RNF168: variants seen among roughly 807,000 people sequenced by gnomAD.
RNF168 encodes the protein E3 ubiquitin-protein ligase RNF168.
A neutral mutation model predicts 34.9 loss-of-function variants in RNF168; 34 were observed. That is an observed-to-expected ratio of 0.97 (90% CI 0.74 to 1.30). The LOEUF is 1.30. RNF168 is among the 50% of genes most tolerant of loss of function. The pLI is 0.00. For synonymous variants in RNF168, 264 were observed against 254.7 expected, an observed-to-expected ratio of 1.04 and a Z score of -0.35; for missense variants, 725 against 682.5, an observed-to-expected ratio of 1.06 and a Z score of -0.69.
At chr3:196,485,971 T>A (rs1732412723) in intron 3 of RNF168, among the ~76,000 whole-genome samples, 1 of 152,048 alleles carries the variant, frequency 6.6e-6, no homozygotes, top group Non-Finnish European at 1.5e-5. Flanking sequence ...AGATTTGGAG[T>A]AAATATGAGA....
At chr3:196,492,280 C>T (rs73219639) in intron 1 of RNF168, among the ~76,000 whole-genome samples, 9,855 of 152,244 alleles carry the variant, frequency 0.065, 395 homozygotes, top group Middle Eastern at 0.2. Context: ...AGGAGGACCA[C>T]TTGAGCTCAG....
chr3:196,496,364 T>C (rs1732743017), intron 1 of RNF168, among the ~76,000 whole-genome samples: 2 of 152,128 alleles, frequency 1.3e-5, no homozygotes, highest in Non-Finnish European at 2.9e-5. Context: ...ACCTTAGACG[T>C]TCCTTGGGTT....
At chr3:196,495,297 T>G (rs903370448) in intron 1 of RNF168, among the ~76,000 whole-genome samples, 4 of 152,170 alleles carry the variant, frequency 2.6e-5, no homozygotes, top group African/African-American at 9.7e-5. Flanking sequence ...TGATATACAA[T>G]GATCAAGTTC....
At chr3:196,478,530 C>T (rs1305392863) in intron 4 of RNF168, among the ~76,000 whole-genome samples, 2 of 152,164 alleles carry the variant, frequency 1.3e-5, no homozygotes, top group East Asian at 3.9e-4. Flanking sequence ...GCTCGAGAGG[C>T]TGCCCAATTT....
Position 196,483,761 on chromosome 3 carries a change from T to C in RNF168, c.680+9A>G, listed in dbSNP as rs1732350698. ...GGTCAACAAATAATTCATAGTCATG[T>C]TCACTTACTTCTGAATATCTCCAGT... On this transcript the variant is annotated intron_variant, in intron 4 of 5. Transcript: ENST00000318037. The C allele has an allele frequency of 6.2e-7, 1 of 1,609,196 alleles. No homozygotes were observed. The highest frequency in any genetic ancestry group is 1.7e-5 in the Admixed American group (1 of 59,996).
intron 2 of RNF168, among the ~76,000 whole-genome samples, chr3:196,488,136 T>C (rs568074354): frequency 3.9e-5 from 6 of 152,314 alleles, no homozygotes; most frequent in Admixed American, 2.6e-4. Context: ...GCATTAATTA[T>C]GTAGAAGTAA....
At chr3:196,483,674 G>C (rs573921768) in intron 4 of RNF168, 96 bp downstream of exon 4, 2 of 1,064,346 alleles carry the variant, frequency 1.9e-6, no homozygotes, top group African/African-American at 3.1e-5. Flanking sequence ...CAAAGTTCAC[G>C]GACCAAACTT....
chr3:196,487,563 G>A lies in RNF168; in HGVS notation c.394C>T (p.Arg132Trp), dbSNP rs142489941. ...EEISKVAAER[R>W]ASEEEENKAS... ...TTGTTTTCTTCTTCCTCGCTGGCCC[G>A]TCGCTCTGCCGCCACCTTAAAAGTG... is the stretch of plus-strand genomic sequence containing the variant. The change falls in exon 3 of 6, where the codon CGG (arginine) becomes TGG (tryptophan). Residue 132 changes from arginine (R) to tryptophan (W), a missense_variant. Transcript: ENST00000318037. The A allele has an allele frequency of 3.1e-5, 50 of 1,613,956 alleles. No individual in the cohort carries two copies. The Middle Eastern group carries it at 6.6e-4, about 21-fold the overall frequency.
chr3:196,488,626 T>C lies in RNF168; in HGVS notation c.359A>G (p.Tyr120Cys). 1 of 1,601,416 alleles carries C rather than the reference T, an allele frequency of 6.2e-7. No individual in the cohort carries two copies. Among genetic ancestry groups the C allele is most frequent in the South Asian group, 1.1e-5 (1 of 90,726 alleles). ...ACCTACCTTGCTTATTTCCTCTTCA[T>C]ATTCTCTTCTCAGTTCCCCAGGTTT... ...LSKPGELRRE[Y>C]EEEISKVAAE... Residue 120 changes from tyrosine to cysteine, a missense_variant, in exon 2 of 6, where the codon TAT (tyrosine) becomes TGT (cysteine). Tyr to Cys is a radical substitution (Grantham distance 194). Transcript: ENST00000318037.
At chr3:196,487,677 G>A (rs1166506595) in intron 2 of RNF168, 99 bp from the exon 3 acceptor site, 7 of 1,163,102 alleles carry the variant, frequency 6.0e-6, no homozygotes, top group African/African-American at 3.0e-5. Context: ...GAACAAATTG[G>A]CAGAAATTTA....
At chr3:196,494,902 G>A (rs1332739591) in intron 1 of RNF168, among the ~76,000 whole-genome samples, 1 of 152,024 alleles carries the variant, frequency 6.6e-6, no homozygotes, top group Non-Finnish European at 1.5e-5. Flanking sequence ...GTGTGCCTGT[G>A]GTCCCAGCTA....
Position 196,503,112 on chromosome 3 carries a change from T to C in RNF168, c.62A>G (p.Glu21Gly), listed in dbSNP as rs1186574397. Residue 21 changes from glutamate to glycine, a missense_variant, in exon 1 of 6, where the codon GAA (glutamate) becomes GGA (glycine). Physicochemically the swap from Glu to Gly is moderately conservative, Grantham distance 98. Coordinates refer to ENST00000318037, the MANE Select transcript of RNF168 (RefSeq NM_152617.4). Reference protein sequence around the residue: ...LSECQCGICMEILVEPVTLPC... With the variant: ...LSECQCGICMGILVEPVTLPC... ...GAGGGTGACGGGCTCCACGAGGATT[T>C]CCATGCAGATCCCGCACTGGCACTC... is the stretch of plus-strand genomic sequence containing the variant. 9 of 1,614,118 alleles carry C rather than the reference T, an allele frequency of 5.6e-6. No individual in the cohort carries two copies. The highest frequency in any genetic ancestry group is 7.6e-6 in the Non-Finnish European group (9 of 1,179,994).
chr3:196,484,313 C>T (rs573857328), intron 3 of RNF168, among the ~76,000 whole-genome samples: 4 of 150,986 alleles, frequency 2.6e-5, no homozygotes, highest in East Asian at 2.0e-4. Flanking sequence ...CTGGGACTAC[C>T]GGCGCCCTCC....
chr3:196,502,755 T>G, intron 1 of RNF168, 118 bp downstream of exon 1: 1 of 876,746 alleles, frequency 1.1e-6, no homozygotes. Context: ...TGAGAACTAT[T>G]TAGACAAATA....
rs1731991436 is a variant in RNF168 at position 196,471,195 on chromosome 3, C to CA, written c.*623_*624insT. The CA allele has an allele frequency of 5.0e-5, 1 of 19,832 alleles. No homozygotes were observed. Among genetic ancestry groups the CA allele is most frequent in the East Asian group, 2.9e-3 (1 of 342 alleles). The allele number at this position is 19,832 out of a possible 1,614,324, so 1.2% of individuals were successfully genotyped here. Reference sequence around the variant, plus strand: ...TGCGTGACAGAGCAAGACTCTGTCTCCAAAAAAAAAAAAAAAAAAAAAAAA... The same window carrying CA: ...TGCGTGACAGAGCAAGACTCTGTCTCACAAAAAAAAAAAAAAAAAAAAAAAA... On this transcript the variant is annotated 3_prime_UTR_variant, in exon 6 of 6. Coordinates refer to ENST00000318037, the MANE Select transcript of RNF168 (RefSeq NM_152617.4).
At chr3:196,485,939 T>A (rs947196693) in intron 3 of RNF168, among the ~76,000 whole-genome samples, 1 of 152,152 alleles carries the variant, frequency 6.6e-6, no homozygotes, top group Non-Finnish European at 1.5e-5. Context: ...CTAGGTCCCA[T>A]CCCTAGAGAC....
rs544172244 is a variant in RNF168, at chr3:196,484,105, C to T, written c.559-214G>A. On this transcript the variant is annotated intron_variant, in intron 3 of 5. Transcript: ENST00000318037. ...CTAAATTAATTACATTTTTACTGTA[C>T]ATCAAGCACAAAATAAGGCATAATA... is the stretch of plus-strand genomic sequence containing the variant. Among the ~76,000 whole-genome samples the T allele has an allele frequency of 1.1e-4, 17 of 151,320 alleles. No homozygotes were observed. The South Asian group carries it at 3.3e-3, about 30-fold the overall frequency.
At chr3:196,473,142 T>C (rs1732055626) in intron 5 of RNF168, among the ~76,000 whole-genome samples, 1 of 152,186 alleles carries the variant, frequency 6.6e-6, no homozygotes, top group Admixed American at 6.6e-5. Context: ...ACAGACTAGA[T>C]TCCAAATATG....
chr3:196,477,768 TATATGA>T (rs1469082182), intron 4 of RNF168, among the ~76,000 whole-genome samples: 1 of 152,188 alleles, frequency 6.6e-6, no homozygotes, highest in Non-Finnish European at 1.5e-5. Flanking sequence ...AACCAAGTAA[TATATGA>T]ATACATGCTC....
Sources: allele counts gnomAD v4.1 joint callset (sites outside exome capture counted in the v4.1 genomes callset), GRCh38; gene constraint gnomAD v4.1.1; transcripts MANE v1.5; gene names NCBI Gene and HGNC (gene_info 2026-07-23, HGNC 2026-07-21).